The following CYP7B1 variants were observed in gnomAD, a reference collection of about 807,000 sequenced individuals.
The protein encoded by CYP7B1 is cytochrome P450 family 7 subfamily B member 1.
A neutral mutation model predicts 42.7 loss-of-function variants in CYP7B1; 29 were observed. That is an observed-to-expected ratio of 0.68 (90% confidence interval 0.51 to 0.93). The LOEUF is 0.93. Among genes scored for constraint, CYP7B1 ranks in the 40% least tolerant of loss-of-function variants. The pLI is 0.00. For synonymous variants in CYP7B1, 235 were observed against 218.2 expected (o/e 1.08, Z -0.68); for missense variants, 655 against 600.5 (o/e 1.09, Z -0.95).
chr8:64,746,676 A>G lies in CYP7B1; in HGVS notation c.122+51790T>C, dbSNP rs1208710331. Among the ~76,000 whole-genome samples, 3 of 152,334 alleles carry G rather than the reference A, an allele frequency of 2.0e-5. No individual in the cohort carries two copies. In the East Asian group the frequency reaches 5.8e-4, roughly 29 times the overall value. On this transcript the variant is annotated intron_variant, in intron 1 of 5. Transcript: ENST00000310193. ...TCAAAAACAAATTATTAGAAACAGG[A>G]AAGTAAACGTGTTATAATTGTTATA...
chr8:64,788,627 T>C (rs1804566900), intron 1 of CYP7B1, among the ~76,000 whole-genome samples: 1 of 152,216 alleles, frequency 6.6e-6, no homozygotes, highest in Non-Finnish European at 1.5e-5. Flanking sequence ...CCTGAGACCC[T>C]GAACTGGAAT....
At chr8:64,694,196 G>T (rs964856057) in intron 1 of CYP7B1, among the ~76,000 whole-genome samples, 2 of 152,162 alleles carry the variant, frequency 1.3e-5, no homozygotes, top group Non-Finnish European at 2.9e-5. Context: ...CATAAGAAAA[G>T]AAATAATTTA....
At chr8:64,614,350 T>A (rs1443378693) in intron 4 of CYP7B1, among the ~76,000 whole-genome samples, 2 of 152,184 alleles carry the variant, frequency 1.3e-5, no homozygotes, top group African/African-American at 4.8e-5. Flanking sequence ...AGTGACCATG[T>A]ATATCTCATG....
intron 1 of CYP7B1, among the ~76,000 whole-genome samples, chr8:64,756,706 C>G (rs1807813407): frequency 6.6e-6 from 1 of 152,144 alleles, no homozygotes; most frequent in Non-Finnish European, 1.5e-5. Context: ...TGGAAGGGAC[C>G]TTAGGGATCA....
chr8:64,597,007 C>A, intron 5 of CYP7B1, 78 bp from the exon 6 acceptor site: 1 of 1,278,512 alleles, frequency 7.8e-7, no homozygotes, highest in South Asian at 1.4e-5. Flanking sequence ...TGCTAGCTCT[C>A]TCTGCCTGTC....
At chr8:64,769,823 A>T (rs1181276498) in intron 1 of CYP7B1, among the ~76,000 whole-genome samples, 1 of 152,048 alleles carries the variant, frequency 6.6e-6, no homozygotes, top group African/African-American at 2.4e-5. Flanking sequence ...CCTACTGAGC[A>T]TACACCCAAA....
chr8:64,631,281 A>G (rs374335230), intron 1 of CYP7B1, among the ~76,000 whole-genome samples: 1 of 152,344 alleles, frequency 6.6e-6, no homozygotes, highest in East Asian at 1.9e-4. Context: ...GGCTGGTTCA[A>G]CATTCAAAAA....
chr8:64,602,710 C>T (rs1027552455), intron 5 of CYP7B1, among the ~76,000 whole-genome samples: 8 of 152,158 alleles, frequency 5.3e-5, no homozygotes, highest in Non-Finnish European at 1.0e-4. Flanking sequence ...AAATGGCTCA[C>T]GGTAGACTTT....
intron 1 of CYP7B1, among the ~76,000 whole-genome samples, chr8:64,689,223 C>G (rs1189750746): frequency 2.0e-5 from 3 of 152,146 alleles, no homozygotes; most frequent in Non-Finnish European, 4.4e-5. Context: ...TATGTAAATT[C>G]AGAAAATACT....
intron 1 of CYP7B1, among the ~76,000 whole-genome samples, chr8:64,681,615 C>T (rs529268692): frequency 6.6e-6 from 1 of 152,234 alleles, no homozygotes; most frequent in Non-Finnish European, 1.5e-5. Flanking sequence ...TTGAGAAGAG[C>T]CCTGTAAAAA....
intron 1 of CYP7B1, among the ~76,000 whole-genome samples, chr8:64,686,405 G>T (rs867189745): frequency 3.6e-5 from 1 of 27,498 alleles, no homozygotes; most frequent in Non-Finnish European, 7.5e-5. Context: ...GGAGGGAGGT[G>T]GGGGGGTCAG....
At chr8:64,625,615 G>A (rs1469785607) in intron 1 of CYP7B1, among the ~76,000 whole-genome samples, 1 of 152,180 alleles carries the variant, frequency 6.6e-6, no homozygotes, top group African/African-American at 2.4e-5. Context: ...TAATATTTAT[G>A]TTATCTGCTA....
In CYP7B1 at chr8:64,710,984, C is replaced by A. The variant is rs1807070999; in HGVS notation, c.123-86445G>T. On this transcript the variant is annotated intron_variant, in intron 1 of 5. Transcript: ENST00000310193. ...AAAGAATAAAACCACACATACTTCT[C>A]ACCTTAAGAATACTTTATCTACCAT... 3.3e-5 allele frequency among the ~76,000 whole-genome samples: 5 copies of A among 152,202 alleles called. No homozygotes were observed. In the South Asian group the frequency reaches 1.0e-3, roughly 32 times the overall value.
At chr8:64,625,676 C>A (rs999449602) in intron 1 of CYP7B1, among the ~76,000 whole-genome samples, 1 of 152,146 alleles carries the variant, frequency 6.6e-6, no homozygotes, top group Non-Finnish European at 1.5e-5. Context: ...TCTAGTCAAA[C>A]TGCTTGTCAG....
At chr8:64,702,412 C>A (rs1015140318) in intron 1 of CYP7B1, among the ~76,000 whole-genome samples, 1 of 152,050 alleles carries the variant, frequency 6.6e-6, no homozygotes, top group Non-Finnish European at 1.5e-5. Flanking sequence ...TGAGGTCATT[C>A]ATTACTGAAA....
At chr8:64,691,462 C>T (rs1009345189) in intron 1 of CYP7B1, among the ~76,000 whole-genome samples, 7 of 110,084 alleles carry the variant, frequency 6.4e-5, no homozygotes, top group Admixed American at 5.4e-4. Context: ...CCAACATGAA[C>T]GTATGGTTGC....
intron 1 of CYP7B1, among the ~76,000 whole-genome samples, chr8:64,741,758 C>A (rs550132505): frequency 1.3e-5 from 2 of 152,068 alleles, no homozygotes; most frequent in African/African-American, 2.4e-5. Flanking sequence ...TACAGTAGCA[C>A]CAAAATGAAT....
At chr8:64,710,980 T>C (rs1453535929) in intron 1 of CYP7B1, among the ~76,000 whole-genome samples, 1 of 152,124 alleles carries the variant, frequency 6.6e-6, no homozygotes, top group African/African-American at 2.4e-5. Flanking sequence ...CCACACATAC[T>C]TCTCACCTTA....
intron 2 of CYP7B1, among the ~76,000 whole-genome samples, chr8:64,618,404 A>AT (rs1047504755): frequency 5.6e-4 from 85 of 152,152 alleles, no homozygotes; most frequent in African/African-American, 1.9e-3. Context: ...AATATTTTGA[A>AT]TTTTTTCCTA....
Sources: gnomAD v4.1 joint callset for allele counts (sites outside exome capture counted in the v4.1 genomes callset) on GRCh38, gnomAD v4.1.1 for gene constraint, MANE v1.5 for transcripts, NCBI Gene and HGNC (gene_info 2026-07-23, HGNC 2026-07-21) for gene names.